The following ITGA9 variants were observed in gnomAD, a reference collection of about 807,000 sequenced individuals.
ITGA9 encodes integrin alpha-9.
Under a neutral mutation model 127.8 loss-of-function variants are expected in ITGA9, and 56 were observed. The observed-to-expected ratio is 0.44, with a 90% confidence interval of 0.35 to 0.55. The LOEUF (loss-of-function observed/expected upper bound fraction) is 0.55. Ranked by LOEUF, ITGA9 falls within the 20% of genes least tolerant of loss-of-function variation. ITGA9 has a pLI of 0.00. For missense variants in ITGA9, 1,196 were observed against 1,347.1 expected (o/e 0.89, Z 1.76); for synonymous variants, 508 against 514.5 (o/e 0.99, Z 0.17).
At chr3:37,526,169 T>A in intron 13 of ITGA9, 98 bp downstream of exon 13, 1 of 1,052,222 alleles carries the variant, frequency 9.5e-7, no homozygotes, top group Non-Finnish European at 1.5e-6. Flanking sequence ...CTGTTCCTTG[T>A]AGGCTGGAGG....
At chr3:37,580,204 CTG>C (rs748691488) in intron 15 of ITGA9, among the ~76,000 whole-genome samples, 2 of 152,118 alleles carry the variant, frequency 1.3e-5, no homozygotes, top group African/African-American at 4.8e-5. Context: ...TTTGAACTGA[CTG>C]TGGAAAGATG....
At chr3:37,531,627 G>T (rs976732359) in intron 13 of ITGA9, among the ~76,000 whole-genome samples, 1 of 152,170 alleles carries the variant, frequency 6.6e-6, no homozygotes, top group African/African-American at 2.4e-5. Flanking sequence ...CCATGACCAG[G>T]CGCGTCAGGG....
intron 18 of ITGA9, among the ~76,000 whole-genome samples, chr3:37,704,317 CTGAGGTG>C (rs1700979944): frequency 6.6e-6 from 1 of 152,194 alleles, no homozygotes; most frequent in Non-Finnish European, 1.5e-5. Flanking sequence ...ATGAGCTTTC[CTGAGGTG>C]CCCGCGTGTC....
intron 26 of ITGA9, among the ~76,000 whole-genome samples, chr3:37,797,712 A>G (rs575290894): frequency 1.2e-4 from 18 of 152,228 alleles, no homozygotes; most frequent in African/African-American, 4.3e-4. Context: ...TACGTATTAG[A>G]TAATCTTTTT....
chr3:37,804,838 A>C (rs917413905), intron 27 of ITGA9, among the ~76,000 whole-genome samples: 1 of 152,240 alleles, frequency 6.6e-6, no homozygotes, highest in Non-Finnish European at 1.5e-5. Flanking sequence ...CTAACATAAC[A>C]TATCAATTAC....
Position 37,683,977 on chromosome 3 carries a change from G to C in ITGA9, c.2029G>C (p.Val677Leu), listed in dbSNP as rs978929765. Residue 677 changes from valine to leucine, a missense_variant, in exon 18 of 28, where the codon GTT becomes CTT. Val to Leu is a conservative substitution (Grantham distance 32, BLOSUM62 1). Transcript: ENST00000264741. ...CTATGATGCCAACGTGTCCTTCAAT[G>C]TTTCCCGGGAGCTCTTCTTCATCAA... ...DAYDANVSFN[V>L]SRELFFINMW... is the part of the protein sequence containing the mutation. 1 of 1,614,022 alleles carries C rather than the reference G, an allele frequency of 6.2e-7. No individual in the cohort carries two copies. Among genetic ancestry groups the C allele is most frequent in the Non-Finnish European group, 8.5e-7 (1 of 1,179,994 alleles).
At chr3:37,752,565 A>G (rs900319646) in intron 23 of ITGA9, among the ~76,000 whole-genome samples, 5 of 152,108 alleles carry the variant, frequency 3.3e-5, no homozygotes, top group African/African-American at 4.8e-5. Context: ...TCCCTCTCTA[A>G]CAGTGCCCTT....
chr3:37,669,616 G>A (rs1480966788), intron 17 of ITGA9, among the ~76,000 whole-genome samples: 2 of 152,160 alleles, frequency 1.3e-5, no homozygotes, highest in Admixed American at 1.3e-4. Flanking sequence ...CAAATCCAAT[G>A]TATTTATCAG....
intron 15 of ITGA9, among the ~76,000 whole-genome samples, chr3:37,584,560 T>C (rs1273989157): frequency 1.3e-5 from 2 of 151,982 alleles, no homozygotes; most frequent in African/African-American, 4.8e-5. Flanking sequence ...ATTGAGACCA[T>C]CCTGGCCAAC....
At chr3:37,692,619 T>A (rs1225734573) in intron 18 of ITGA9, among the ~76,000 whole-genome samples, 5 of 152,252 alleles carry the variant, frequency 3.3e-5, no homozygotes, top group African/African-American at 1.2e-4. Flanking sequence ...TTTAAAATAA[T>A]GCTTGTTGAT....
intron 13 of ITGA9, among the ~76,000 whole-genome samples, chr3:37,527,133 A>G (rs1483226696): frequency 6.6e-6 from 1 of 152,238 alleles, no homozygotes; most frequent in African/African-American, 2.4e-5. Context: ...TGGCCAGGAC[A>G]GCAATACAGA....
chr3:37,577,739 A>T (rs1006002106), intron 15 of ITGA9, among the ~76,000 whole-genome samples: 1 of 152,220 alleles, frequency 6.6e-6, no homozygotes, highest in Non-Finnish European at 1.5e-5. Flanking sequence ...TCTACTGTGA[A>T]ACTCTGTGAC....
rs141670835 is a variant in ITGA9, at chr3:37,465,931, G to A, written c.186-5076G>A. On this transcript the variant is annotated intron_variant, in intron 1 of 27. Coordinates refer to ENST00000264741, the MANE Select transcript of ITGA9 (RefSeq NM_002207.3). ...ATGTGGGGTGGGTAGAATAGGGCAC[G>A]GGTGATGTATTTGACTACTGGGGTG... Among the ~76,000 whole-genome samples the A allele has an allele frequency of 3.9e-4, 59 of 152,188 alleles. No homozygotes were observed. In the East Asian group the frequency reaches 9.1e-3, roughly 23 times the overall value.
At chr3:37,634,046 T>G (rs1301529933) in intron 16 of ITGA9, among the ~76,000 whole-genome samples, 3 of 152,184 alleles carry the variant, frequency 2.0e-5, no homozygotes, top group Non-Finnish European at 4.4e-5. Context: ...CTATCAGATG[T>G]TTTTTGTAAG....
chr3:37,724,446 T>G (rs977221400), intron 18 of ITGA9, among the ~76,000 whole-genome samples: 46 of 152,338 alleles, frequency 3.0e-4, no homozygotes, highest in African/African-American at 9.9e-4. Context: ...ACCAATAGTT[T>G]TTCCCCCTCT....
intron 1 of ITGA9, among the ~76,000 whole-genome samples, chr3:37,460,961 G>A (rs6797403): frequency 0.31 from 46,679 of 151,868 alleles, 7,540 homozygotes; most frequent in Middle Eastern, 0.43. Flanking sequence ...ATCTGTTGGT[G>A]TGTTAAGGCC....
intron 18 of ITGA9, among the ~76,000 whole-genome samples, chr3:37,694,284 T>C (rs966865260): frequency 6.6e-6 from 1 of 152,166 alleles, no homozygotes; most frequent in African/African-American, 2.4e-5. Context: ...CCCTTCCTCC[T>C]TGAGAGGACA....
At chr3:37,700,652 G>A (rs1423991726) in intron 18 of ITGA9, among the ~76,000 whole-genome samples, 1 of 152,138 alleles carries the variant, frequency 6.6e-6, no homozygotes, top group Non-Finnish European at 1.5e-5. Flanking sequence ...ACCCGGCCTG[G>A]AATGACTTTT....
intron 6 of ITGA9, among the ~76,000 whole-genome samples, chr3:37,504,758 C>T (rs566616683): frequency 6.6e-6 from 1 of 152,278 alleles, no homozygotes; most frequent in Non-Finnish European, 1.5e-5. Flanking sequence ...TGATCTCACT[C>T]AGAATACTCT....
Sources: gnomAD v4.1 joint callset for allele counts (sites outside exome capture counted in the v4.1 genomes callset) on GRCh38, gnomAD v4.1.1 for gene constraint, MANE v1.5 for transcripts, NCBI Gene and HGNC (gene_info 2026-07-23, HGNC 2026-07-21) for gene names.